The following BICDL1 variants were observed in gnomAD, a reference collection of about 807,000 sequenced individuals.
BICDL1 encodes BICD family-like cargo adapter 1.
A neutral mutation model predicts 76.8 loss-of-function variants in BICDL1; 20 were observed. The observed-to-expected ratio is 0.26, with a 90% confidence interval of 0.18 to 0.38. The LOEUF is 0.38. BICDL1 is among the 10% of genes least tolerant of loss of function. The probability of loss-of-function intolerance (pLI) is 1.00; values close to 1 mark genes in which losing one functional copy is unlikely to be tolerated. For synonymous variants in BICDL1, 383 were observed against 337.1 expected, an observed-to-expected ratio of 1.14 and a Z score of -1.49; for missense variants, 700 against 798.6, an observed-to-expected ratio of 0.88 and a Z score of 1.49.
At chr12:120,038,520 GTCTC>G (rs1423562055) in intron 2 of BICDL1, among the ~76,000 whole-genome samples, 6 of 151,868 alleles carry the variant, frequency 4.0e-5, no homozygotes, top group African/African-American at 1.5e-4. Flanking sequence ...TTTTTAAAAA[GTCTC>G]TCCCATCCCA....
At chr12:120,092,530 G>A (rs1157015704) in intron 9 of BICDL1, 6 of 985,368 alleles carry the variant, frequency 6.1e-6, no homozygotes, top group East Asian at 1.1e-4. Flanking sequence ...GAAAAGGCAG[G>A]AGGAGCCCCT....
intron 2 of BICDL1, among the ~76,000 whole-genome samples, chr12:120,022,467 T>G (rs1472549203): frequency 6.8e-6 from 1 of 147,022 alleles, no homozygotes; most frequent in Non-Finnish European, 1.5e-5. Flanking sequence ...TATTATATAT[T>G]TATATATATT....
chr12:120,092,433 T>C (rs1875053702), intron 9 of BICDL1: 1 of 985,160 alleles, frequency 1.0e-6, no homozygotes, highest in Admixed American at 6.2e-5. Context: ...AGCAGCAGGG[T>C]CTAGGGCAGC....
At chr12:119,991,155 G>A (rs1395251677) in intron 1 of BICDL1, among the ~76,000 whole-genome samples, 1 of 152,152 alleles carries the variant, frequency 6.6e-6, no homozygotes, top group Admixed American at 6.6e-5. Flanking sequence ...AAAAAAAGGG[G>A]CAGGGGGATG....
Position 119,998,518 on chromosome 12 carries a change from C to A in BICDL1, c.430-3C>A. On this transcript the variant is annotated splice_region_variant and splice_polypyrimidine_tract_variant and intron_variant, in intron 1 of 9. Transcript: ENST00000548673. ...TGTTTAAATCCCTTCACTTTTCACC[C>A]AGCACTTAGAGCAAGAGAAACATGA... 6.3e-7 allele frequency: 1 copy of A among 1,594,356 alleles called. No homozygotes were observed. Among genetic ancestry groups the A allele is most frequent in the Non-Finnish European group, 8.5e-7 (1 of 1,171,360 alleles).
At chr12:120,013,525 G>A (rs1395690245) in intron 2 of BICDL1, among the ~76,000 whole-genome samples, 1 of 149,324 alleles carries the variant, frequency 6.7e-6, no homozygotes, top group Non-Finnish European at 1.5e-5. Flanking sequence ...GCAGTGGCGC[G>A]ATCTCGGCTC....
intron 8 of BICDL1, among the ~76,000 whole-genome samples, chr12:120,081,705 G>A (rs6490283): frequency 6.7e-6 from 1 of 149,398 alleles, no homozygotes; most frequent in African/African-American, 2.4e-5. Context: ...TTTTTTTGTT[G>A]TTTGTTTCTA....
intron 7 of BICDL1, among the ~76,000 whole-genome samples, chr12:120,078,599 C>T (rs141992730): frequency 2.5e-3 from 376 of 152,192 alleles, no homozygotes; most frequent in African/African-American, 7.4e-3. Context: ...TAATCCTCAA[C>T]GACAACTTAG....
intron 2 of BICDL1, among the ~76,000 whole-genome samples, chr12:120,058,776 A>T (rs1953038510): frequency 6.6e-6 from 1 of 151,772 alleles, no homozygotes; most frequent in Admixed American, 6.6e-5. Context: ...TTTTTAGTAG[A>T]GACTGGGTTT....
In BICDL1 at chr12:119,989,312, T is replaced by C. The variant is rs1196212843; in HGVS notation, c.-557T>C. On this transcript the variant is annotated 5_prime_UTR_variant, in exon 1 of 10. Transcript: ENST00000548673. The stretch of plus-strand genomic sequence containing the variant: ...GCCCCTGCAGCAGCAGCAGCCGCCG[T>C]CGCCGCCGCTGCTGCTGGGGCTGCC... 6.7e-6 allele frequency among the ~76,000 whole-genome samples: 1 copy of C among 149,762 alleles called. No homozygotes were observed. Among genetic ancestry groups the C allele is most frequent in the Admixed American group, 6.6e-5 (1 of 15,136 alleles).
At chr12:119,990,384 C>G (rs1397109834) in intron 1 of BICDL1, 87 bp downstream of exon 1, 2 of 1,508,056 alleles carry the variant, frequency 1.3e-6, no homozygotes, top group African/African-American at 2.9e-5. Context: ...CCACTCACCC[C>G]CACTTCGTTG....
chr12:120,045,360 G>A (rs1952726386), intron 2 of BICDL1, among the ~76,000 whole-genome samples: 1 of 151,024 alleles, frequency 6.6e-6, no homozygotes, highest in Non-Finnish European at 1.5e-5. Context: ...AGTCAGTGTG[G>A]CGATTCCTCA....
chr12:120,021,877 C>T (rs773346071), intron 2 of BICDL1, among the ~76,000 whole-genome samples: 2 of 149,228 alleles, frequency 1.3e-5, no homozygotes, highest in African/African-American at 4.9e-5. Context: ...TGCACTCCAG[C>T]CTATGCAACA....
At chr12:120,068,997 C>T (rs541198973) in intron 4 of BICDL1, among the ~76,000 whole-genome samples, 3 of 152,206 alleles carry the variant, frequency 2.0e-5, no homozygotes, top group African/African-American at 4.8e-5. Flanking sequence ...CTGACCCCTG[C>T]GCTGCTGTCT....
chr12:120,005,763 A>G (rs1283400836), intron 2 of BICDL1, among the ~76,000 whole-genome samples: 1 of 152,202 alleles, frequency 6.6e-6, no homozygotes, highest in African/African-American at 2.4e-5. Flanking sequence ...ATGGTTGTAT[A>G]TAGTATTCCA....
intron 2 of BICDL1, among the ~76,000 whole-genome samples, chr12:120,005,514 C>T (rs1477985885): frequency 1.3e-5 from 2 of 152,148 alleles, no homozygotes; most frequent in Non-Finnish European, 2.9e-5. Flanking sequence ...GCTGGAATTA[C>T]AGGCGAGTGC....
chr12:120,081,165 CCCCATT>C (rs1355837125), intron 8 of BICDL1, 148 bp downstream of exon 8: 7 of 697,354 alleles, frequency 1.0e-5, no homozygotes, highest in East Asian at 3.3e-5. Flanking sequence ...CCACCCCCAC[CCCCATT>C]CCCATTCTCC....
intron 9 of BICDL1, chr12:120,091,507 C>T: frequency 1.0e-6 from 1 of 985,030 alleles, no homozygotes; most frequent in Non-Finnish European, 1.2e-6. Context: ...TATACTAGAC[C>T]CTTATAAGGA....
intron 8 of BICDL1, 31 bp from the exon 9 acceptor site, chr12:120,089,920 T>TC: frequency 6.2e-7 from 1 of 1,611,972 alleles, no homozygotes; most frequent in Non-Finnish European, 8.5e-7. Context: ...GCACAAGGTG[T>TC]CCATGTTCAC....
Sources: gnomAD v4.1 joint callset for allele counts (sites outside exome capture counted in the v4.1 genomes callset) on GRCh38, gnomAD v4.1.1 for gene constraint, MANE v1.5 for transcripts, NCBI Gene and HGNC (gene_info 2026-07-23, HGNC 2026-07-21) for gene names.